Variants in ABHD2 observed in about 807,000 individuals in gnomAD.
ABHD2 encodes monoacylglycerol lipase ABHD2.
A neutral mutation model predicts 48.1 loss-of-function variants in ABHD2; 20 were observed. The ratio of observed to expected loss-of-function variants is 0.42; its 90% CI spans 0.29 to 0.60. The LOEUF (loss-of-function observed/expected upper bound fraction) is 0.60. ABHD2 is among the 20% of genes least tolerant of loss of function. The pLI is 0.24. For synonymous variants in ABHD2, 209 were observed against 214.2 expected, an observed-to-expected ratio of 0.98 and a Z score of 0.21; for missense variants, 405 against 550.9, an observed-to-expected ratio of 0.74 and a Z score of 2.65.
intron 6 of ABHD2, among the ~76,000 whole-genome samples, chr15:89,180,435 C>T (rs1020859208): frequency 1.6e-4 from 24 of 152,220 alleles, no homozygotes; most frequent in African/African-American, 5.8e-4. Context: ...CCCATCCTTC[C>T]ACCCCAGTGG....
the ABHD2 span, chr15:89,070,075 C>G: frequency 1.3e-5 from 2 of 152,210 alleles, no homozygotes; most frequent in African/African-American, 4.8e-5. Context: ...AGTTATTTCT[C>G]ACTTATACTA....
At chr15:89,112,174 C>T (rs293399) in intron 1 of ABHD2, among the ~76,000 whole-genome samples, 9 of 151,842 alleles carry the variant, frequency 5.9e-5, no homozygotes, top group African/African-American at 9.7e-5. Flanking sequence ...GGGTCTGAAG[C>T]GGGGCAGCCC....
At position 89,166,020 on chromosome 15, in the gene ABHD2, C is replaced by G. The variant is rs533259994; in HGVS notation, c.539-9792C>G. Among the ~76,000 whole-genome samples the G allele has an allele frequency of 6.6e-6, 1 of 152,342 alleles. No homozygotes were observed. Among genetic ancestry groups the G allele is most frequent in the East Asian group, 1.9e-4 (1 of 5,192 alleles). ...CAGAATTTTCCAGCTTGTGCTTATT[C>G]TGGCCTCCATATCATACCTTCATAT... On this transcript the variant is annotated intron_variant, in intron 5 of 10. Coordinates refer to ENST00000352732, the MANE Select transcript of ABHD2 (RefSeq NM_152924.5). The surrounding 1 kb of genome is among the most constrained non-coding windows in gnomAD (Gnocchi z 4.6).
At chr15:89,098,436 TC>T (rs2049648726) in intron 1 of ABHD2, among the ~76,000 whole-genome samples, 2 of 152,128 alleles carry the variant, frequency 1.3e-5, no homozygotes, top group Non-Finnish European at 2.9e-5. Context: ...CTGAGGAGTT[TC>T]CCTGGGGCCT....
chr15:89,143,013 T>A (rs2050430096), intron 3 of ABHD2, among the ~76,000 whole-genome samples: 1 of 152,224 alleles, frequency 6.6e-6, no homozygotes, highest in Non-Finnish European at 1.5e-5. Context: ...AGTTTTTTTT[T>A]AATACAATAC....
the ABHD2 span, among the ~76,000 whole-genome samples, chr15:89,045,199 A>C: frequency 1.2e-4 from 18 of 151,958 alleles, no homozygotes; most frequent in South Asian, 3.1e-3. Flanking sequence ...AGGTTTGTCA[A>C]AGATCAGATA....
chr15:89,088,066 A>C (rs1471483241), upstream of ABHD2: 1 of 152,002 alleles, frequency 6.6e-6, no homozygotes, highest in Non-Finnish European at 1.5e-5. This position sits in a 1 kb window ranked among gnomAD's most constrained non-coding sequence, Gnocchi z 6.8. Flanking sequence ...AGCTGACCTT[A>C]CCCAGCCCTC....
intron 10 of ABHD2, among the ~76,000 whole-genome samples, chr15:89,193,762 C>A (rs549523078): frequency 7.0e-4 from 106 of 152,088 alleles, no homozygotes; most frequent in African/African-American, 2.5e-3. Flanking sequence ...GGAGCCTGGG[C>A]AATATAGTAA....
At position 89,167,684 on chromosome 15, in the gene ABHD2, A is replaced by G. The variant is rs1352319542; in HGVS notation, c.539-8128A>G. Reference sequence around the variant, plus strand: ...CAAGGCCAACTAATTTGATAGCACAAAGGGGCCTTAACTTTATTTCTACAG... The same window carrying G: ...CAAGGCCAACTAATTTGATAGCACAGAGGGGCCTTAACTTTATTTCTACAG... On this transcript the variant is annotated intron_variant, in intron 5 of 10. Transcript: ENST00000352732. This position sits in a 1 kb window ranked among gnomAD's most constrained non-coding sequence, Gnocchi z 5.5. Among the ~76,000 whole-genome samples, 2 of 152,194 alleles carry G rather than the reference A, an allele frequency of 1.3e-5. No homozygotes were observed. Among genetic ancestry groups the G allele is most frequent in the Admixed American group, 6.5e-5 (1 of 15,278 alleles).
intron 3 of ABHD2, among the ~76,000 whole-genome samples, chr15:89,129,790 A>AT (rs896661323): frequency 3.4e-5 from 5 of 147,870 alleles, no homozygotes; most frequent in African/African-American, 9.8e-5. Flanking sequence ...CAGTATGCTG[A>AT]TTAAAAAAAA....
intron 4 of ABHD2, among the ~76,000 whole-genome samples, chr15:89,152,293 A>G: frequency 6.6e-6 from 1 of 151,902 alleles, no homozygotes; most frequent in Non-Finnish European, 1.5e-5. Flanking sequence ...GTTAGCCAGG[A>G]TGGTCTCGAT....
At chr15:89,165,418 T>C (rs1354965463) in intron 5 of ABHD2, among the ~76,000 whole-genome samples, 1 of 152,126 alleles carries the variant, frequency 6.6e-6, no homozygotes, top group African/African-American at 2.4e-5. Context: ...AAAATAAATG[T>C]GAAGAACACC....
At chr15:89,068,445 C>G in the ABHD2 span, among the ~76,000 whole-genome samples, 2 of 152,284 alleles carry the variant, frequency 1.3e-5, no homozygotes, top group African/African-American at 4.8e-5. Flanking sequence ...CAATTGGGGG[C>G]TAGAGTCATC....
rs752631219 is a variant in ABHD2 at position 89,191,133 on chromosome 15, T to A, written c.980T>A (p.Met327Lys). ...GAATACTATGAGGAAGAAAGTTGCATGCGGTACCTGCACAGGGTGAGTGGC... is the reference window on the plus strand; with the variant it reads ...GAATACTATGAGGAAGAAAGTTGCAAGCGGTACCTGCACAGGGTGAGTGGC... ...LKEYYEEESC[M>K]RYLHRIYVPL... Residue 327 changes from methionine (M) to lysine (K), a missense_variant, in exon 9 of 11, where the codon ATG (methionine) becomes AAG (lysine). By Grantham distance (95) the Met-to-Lys change is moderately conservative. Transcript: ENST00000352732. 9 of 1,614,068 alleles carry A rather than the reference T, an allele frequency of 5.6e-6. No homozygotes were observed. The highest frequency in any genetic ancestry group is 6.8e-6 in the Non-Finnish European group (8 of 1,180,004).
chr15:89,201,463 T>C lies in ABHD2; in HGVS notation c.*6040T>C. 1.3e-6 allele frequency: 2 copies of C among 1,491,744 alleles called. No homozygotes were observed. Among genetic ancestry groups the C allele is most frequent in the Non-Finnish European group, 1.9e-6 (2 of 1,077,620 alleles). The allele number at this position is 1,491,744 out of a possible 1,614,324, so 92.4% of individuals were successfully genotyped here. A position where few individuals can be genotyped will look rare whatever the true frequency, so the allele number is the denominator to read the frequency against. On this transcript the variant is annotated 3_prime_UTR_variant, in exon 11 of 11. Transcript: ENST00000352732. ...ATCCATTAATTCATGAGGTTTTGCC[T>C]CATTCCACACAGCTTCCATATCTGA...
chr15:89,096,492 T>C lies in ABHD2; in HGVS notation c.-107+7929T>C, dbSNP rs113625586. ...AGTTTTTCCCCTCAGAGGAAGCCAT[T>C]TGGTACCTGAGTTTGAAAGACCCCA... On this transcript the variant is annotated intron_variant, in intron 1 of 10. Transcript: ENST00000352732. Among the ~76,000 whole-genome samples, 283 of 152,308 alleles carry C rather than the reference T, an allele frequency of 1.9e-3. 1 individual carries two copies. The highest frequency in any genetic ancestry group is 3.1e-3 in the Non-Finnish European group (209 of 68,014).
Position 89,120,247 on chromosome 15 carries a change from G to GA in ABHD2, c.194+3727dup, listed in dbSNP as rs2050027442. Among the ~76,000 whole-genome samples the GA allele has an allele frequency of 6.6e-6, 1 of 152,096 alleles. No homozygotes were observed. The highest frequency in any genetic ancestry group is 1.5e-5 in the Non-Finnish European group (1 of 68,016). On this transcript the variant is annotated intron_variant, in intron 3 of 10. Transcript: ENST00000352732. The surrounding 1 kb of genome is among the most constrained non-coding windows in gnomAD (Gnocchi z 4.2). ...CTGGAGGAAAACTTTGCTTCAGTGG[G>GA]ATGTTATGTCTCCTGTTCTCTTAGA...
chr15:89,176,485 G>T lies in ABHD2; in HGVS notation c.722+490G>T, dbSNP rs1396691497. On this transcript the variant is annotated intron_variant, in intron 6 of 10. Transcript: ENST00000352732. The surrounding 1 kb of genome is among the most constrained non-coding windows in gnomAD (Gnocchi z 4.5). ...TCCTCACCTTTAAGTATTTGTCTCT[G>T]TCAGGCATCCCAGGCATCATCACAA... 6.6e-6 allele frequency among the ~76,000 whole-genome samples: 1 copy of T among 152,152 alleles called. No homozygotes were observed. The highest frequency in any genetic ancestry group is 1.5e-5 in the Non-Finnish European group (1 of 68,034).
At chr15:89,142,418 G>T (rs2050418693) in intron 3 of ABHD2, among the ~76,000 whole-genome samples, 1 of 152,164 alleles carries the variant, frequency 6.6e-6, no homozygotes, top group Non-Finnish European at 1.5e-5. Context: ...AGCTTGGGGG[G>T]ACATCCTTAA....
Sources: allele counts gnomAD v4.1 joint callset (sites outside exome capture counted in the v4.1 genomes callset), GRCh38; gene constraint gnomAD v4.1.1; non-coding constraint Gnocchi (gnomAD v3.1); transcripts MANE v1.5; gene names NCBI Gene and HGNC (gene_info 2026-07-23, HGNC 2026-07-21).